INO80D: variants seen among roughly 807,000 people sequenced by gnomAD.
INO80D encodes INO80 complex subunit D.
In INO80D, 21 loss-of-function variants were observed where a neutral mutation model predicts 87.6. The ratio of observed to expected loss-of-function variants is 0.24; its 90% CI spans 0.17 to 0.35. INO80D has a LOEUF of 0.35. INO80D is among the 10% of genes least tolerant of loss of function. The pLI is 1.00. For synonymous variants in INO80D, 440 were observed against 491.0 expected (o/e 0.90, Z 1.37); for missense variants, 982 against 1,280.7 (o/e 0.77, Z 3.56).
At position 206,004,396 on chromosome 2, in the gene INO80D, G is replaced by GC. The variant is rs1687965688; in HGVS notation, c.3055dup (p.Ala1019GlyfsTer9). The GC allele has an allele frequency of 2.5e-6, 4 of 1,599,720 alleles. No homozygotes were observed. Among genetic ancestry groups the GC allele is most frequent in the African/African-American group, 1.3e-5 (1 of 74,684 alleles). ...GTTAGGGGAGGGAAAGGGAGAAGAT[G>GC]CATTATTGGTACTTGTAGCTGTGGC... On this transcript the variant is annotated frameshift_variant, in exon 11 of 11. Coordinates refer to ENST00000403263, the MANE Select transcript of INO80D (RefSeq NM_017759.5). LOFTEE classifies it high-confidence loss of function. The surrounding 1 kb of genome is among the most constrained non-coding windows in gnomAD (Gnocchi z 4.9).
chr2:206,068,091 T>C (rs1689867970), intron 1 of INO80D, among the ~76,000 whole-genome samples: 1 of 152,096 alleles, frequency 6.6e-6, no homozygotes, highest in African/African-American at 2.4e-5. Flanking sequence ...CTGTGTTGTG[T>C]TTTATTTTTA....
intron 1 of INO80D, among the ~76,000 whole-genome samples, chr2:206,072,308 G>C (rs1356565871): frequency 6.6e-6 from 1 of 151,582 alleles, no homozygotes; most frequent in Non-Finnish European, 1.5e-5. Flanking sequence ...ACAGAGTCTC[G>C]CTCTGTCACC....
rs985306696 is a variant in INO80D at position 206,028,892 on chromosome 2, G to GT, written c.1074-558dup. On this transcript the variant is annotated intron_variant, in intron 5 of 10. Coordinates refer to ENST00000403263, the MANE Select transcript of INO80D (RefSeq NM_017759.5). ...CCATGTATTTTTGTTTTGTTTTTTT[G>GT]TTTTTTTTTTTTGGAGACAGAGTCT... 2.0e-3 allele frequency among the ~76,000 whole-genome samples: 287 copies of GT among 142,828 alleles called. 1 individual carries two copies. Among genetic ancestry groups the GT allele is most frequent in the East Asian group, 4.5e-3 (22 of 4,888 alleles). The allele number at this position is 142,828 out of a possible 152,430, so 93.7% of individuals were successfully genotyped here. A position where few individuals can be genotyped will look rare whatever the true frequency, so the allele number is the denominator to read the frequency against.
intron 10 of INO80D, among the ~76,000 whole-genome samples, chr2:206,006,218 C>T (rs1304875572): frequency 6.6e-6 from 1 of 152,110 alleles, no homozygotes. Flanking sequence ...GATTAATCAC[C>T]ATGGAAATAT....
chr2:206,058,149 A>G (rs2616348), intron 3 of INO80D, among the ~76,000 whole-genome samples: 96,397 of 151,430 alleles, frequency 0.64, 31,706 homozygotes, highest in South Asian at 0.74. Context: ...GGCCGGGCAC[A>G]ATGGCTCATG....
At chr2:206,082,266 C>T (rs773926184) in intron 1 of INO80D, among the ~76,000 whole-genome samples, 1 of 152,130 alleles carries the variant, frequency 6.6e-6, no homozygotes, top group Non-Finnish European at 1.5e-5. Context: ...GTGATCCGCC[C>T]GCCTCAGCCT....
chr2:206,007,312 A>T lies in INO80D; in HGVS notation c.1890T>A (p.Asp630Glu). The stretch of plus-strand genomic sequence containing the variant: ...CAAAAAAATCAAAATCTTGTAAGTC[A>T]TCAGGTAGCCGTGGCAGGACATCTG... ...DFSDVLPRLP[D>E]DLQDFDFFEG... Residue 630 changes from aspartate to glutamate, a missense_variant, in exon 10 of 11, where the codon GAT becomes GAA. Coordinates refer to ENST00000403263, the MANE Select transcript of INO80D (RefSeq NM_017759.5). 1.9e-6 allele frequency: 3 copies of T among 1,613,552 alleles called. No individual in the cohort carries two copies. In the South Asian group the frequency reaches 3.3e-5, roughly 18 times the overall value.
chr2:206,055,022 A>T (rs1387198968), intron 4 of INO80D, among the ~76,000 whole-genome samples: 1 of 152,196 alleles, frequency 6.6e-6, no homozygotes, highest in Non-Finnish European at 1.5e-5. Flanking sequence ...CCTGACCCTG[A>T]CCAACAATGG....
At chr2:206,041,495 A>T (rs1243849269) in intron 5 of INO80D, among the ~76,000 whole-genome samples, 1 of 152,252 alleles carries the variant, frequency 6.6e-6, no homozygotes, top group Non-Finnish European at 1.5e-5. Flanking sequence ...ATAAAAGGCC[A>T]CTTCATCAAA....
rs1689540601 is a variant in INO80D at position 206,056,870 on chromosome 2, C to G, written c.292G>C (p.Asp98His). 3 of 1,610,912 alleles carry G rather than the reference C, an allele frequency of 1.9e-6. No homozygotes were observed. In the South Asian group the frequency reaches 3.3e-5, roughly 18 times the overall value. ...KERKKKNDPI[D>H]EVKVRHQMDT... ...ATCTGGTGCCTGACCTTCACCTCAT[C>G]TATAGGATCATTCTTTTTCTTCCTC... Residue 98 changes from aspartate to histidine, a missense_variant, in exon 4 of 11, where the codon GAT becomes CAT. Coordinates refer to ENST00000403263, the MANE Select transcript of INO80D (RefSeq NM_017759.5).
chr2:206,068,115 T>G (rs985326119), intron 1 of INO80D, among the ~76,000 whole-genome samples: 1 of 152,218 alleles, frequency 6.6e-6, no homozygotes, highest in African/African-American at 2.4e-5. Context: ...ATTTTTTATT[T>G]TGAGGACAGG....
intron 6 of INO80D, among the ~76,000 whole-genome samples, chr2:206,022,177 A>G (rs1326914980): frequency 6.6e-6 from 1 of 151,634 alleles, no homozygotes; most frequent in Non-Finnish European, 1.5e-5. Context: ...CAGCCTGGCC[A>G]ACACAGTGAA....
At chr2:206,084,301 T>C (rs1207478164) in intron 1 of INO80D, among the ~76,000 whole-genome samples, 2 of 151,494 alleles carry the variant, frequency 1.3e-5, no homozygotes, top group African/African-American at 2.4e-5. Context: ...TTTTGCTAGG[T>C]TCCGAGGGCT....
intron 1 of INO80D, among the ~76,000 whole-genome samples, chr2:206,083,543 A>G (rs926261985): frequency 6.6e-6 from 1 of 152,212 alleles, no homozygotes; most frequent in East Asian, 1.9e-4. Flanking sequence ...TACAATCTCA[A>G]ATATCAAGAT....
rs958661666 is a variant in INO80D at position 205,994,367 on chromosome 2, C to T, written c.*10001G>A. 6 of 152,150 alleles carry T rather than the reference C, an allele frequency of 3.9e-5. No homozygotes were observed. Among genetic ancestry groups the T allele is most frequent in the African/African-American group, 1.2e-4 (5 of 41,434 alleles). 9.4% of individuals were successfully genotyped at this position (152,150 alleles called of 1,614,324 possible). A position where few individuals can be genotyped will look rare whatever the true frequency, so the allele number is the denominator to read the frequency against. ...ACTGAAAAAGAAGGGCTTTGAGAAC[C>T]GCTAGTCCTTGCTACCGTGCAGTTT... On this transcript the variant is annotated 3_prime_UTR_variant, in exon 11 of 11. Transcript: ENST00000403263.
chr2:206,035,174 A>C (rs573943712), intron 5 of INO80D, among the ~76,000 whole-genome samples: 2 of 152,290 alleles, frequency 1.3e-5, no homozygotes, highest in South Asian at 4.1e-4. Context: ...TGCCAAAAGT[A>C]ATCTACAAGT....
In INO80D at chr2:206,056,570, G is replaced by C. The variant is rs1689527785; in HGVS notation, c.592C>G (p.Pro198Ala). 1 of 1,612,400 alleles carries C rather than the reference G, an allele frequency of 6.2e-7. No homozygotes were observed. Among genetic ancestry groups the C allele is most frequent in the Non-Finnish European group, 8.5e-7 (1 of 1,179,236 alleles). The change falls in exon 4 of 11, where the codon CCT (proline) becomes GCT (alanine). Residue 198 changes from proline to alanine, a missense_variant. Coordinates refer to ENST00000403263, the MANE Select transcript of INO80D (RefSeq NM_017759.5). Reference sequence around the variant, plus strand: ...GGAGGCTGCTGCTGTGAAGGTGCAGGAGGGGGACTAAAGTGCTCTTGTCGA... The same window carrying C: ...GGAGGCTGCTGCTGTGAAGGTGCAGCAGGGGGACTAAAGTGCTCTTGTCGA... Reference protein sequence around the residue: ...KVRQEHFSPPPAPSQQQPPQQ... With the variant: ...KVRQEHFSPPAAPSQQQPPQQ...
At chr2:206,043,098 C>A (rs989204322) in intron 5 of INO80D, among the ~76,000 whole-genome samples, 1 of 152,204 alleles carries the variant, frequency 6.6e-6, no homozygotes, top group Non-Finnish European at 1.5e-5. Flanking sequence ...ACTCAATGAA[C>A]TTATTGAGGC....
At chr2:206,033,493 G>C (rs1047548950) in intron 5 of INO80D, among the ~76,000 whole-genome samples, 11 of 152,060 alleles carry the variant, frequency 7.2e-5, no homozygotes, top group Non-Finnish European at 1.5e-4. Flanking sequence ...AGAGCTTTGG[G>C]TCAAAAACAC....
Sources: gnomAD v4.1 joint callset for allele counts (sites outside exome capture counted in the v4.1 genomes callset) on GRCh38, gnomAD v4.1.1 for gene constraint, Gnocchi (gnomAD v3.1) non-coding constraint, MANE v1.5 for transcripts, NCBI Gene and HGNC (gene_info 2026-07-23, HGNC 2026-07-21) for gene names.